The following MAGI1 variants were observed in gnomAD, a reference collection of about 807,000 sequenced individuals.
MAGI1 encodes membrane-associated guanylate kinase, WW and PDZ domain-containing protein 1.
Under a neutral mutation model 139.9 loss-of-function variants are expected in MAGI1, and 58 were observed. That is an observed-to-expected ratio of 0.41 (90% CI 0.34 to 0.52). The LOEUF (loss-of-function observed/expected upper bound fraction) is 0.52, where lower values mean the gene tolerates loss of function less well. MAGI1 is among the 20% of genes least tolerant of loss of function. The pLI, the probability that MAGI1 is intolerant of heterozygous loss-of-function variation, is 0.12. For missense variants in MAGI1, 1,874 were observed against 1,901.6 expected (o/e 0.99, Z 0.27); for synonymous variants, 812 against 737.9 (o/e 1.10, Z -1.63).
chr3:65,637,827 T>C (rs1020960323), intron 1 of MAGI1, among the ~76,000 whole-genome samples: 1 of 152,214 alleles, frequency 6.6e-6, no homozygotes, highest in Non-Finnish European at 1.5e-5. Flanking sequence ...TGCTCTGGTT[T>C]ATTGCATTCA....
chr3:65,527,775 A>G (rs2078455251), intron 2 of MAGI1, among the ~76,000 whole-genome samples: 1 of 151,666 alleles, frequency 6.6e-6, no homozygotes, highest in African/African-American at 2.4e-5. Flanking sequence ...ATTAGCCAGG[A>G]GTGGTGGTGC....
intron 1 of MAGI1, among the ~76,000 whole-genome samples, chr3:65,897,262 A>G (rs535058284): frequency 1.3e-5 from 2 of 152,300 alleles, no homozygotes; most frequent in Admixed American, 1.3e-4. Flanking sequence ...TTTGCATTAG[A>G]AAATTAATGG....
intron 2 of MAGI1, among the ~76,000 whole-genome samples, chr3:65,547,162 C>T (rs1382663971): frequency 6.6e-6 from 1 of 152,148 alleles, no homozygotes; most frequent in Admixed American, 6.5e-5. Context: ...AAAATGTGTG[C>T]CAGGCTCTGT....
At chr3:65,854,136 G>A (rs1177978729) in intron 1 of MAGI1, among the ~76,000 whole-genome samples, 1 of 149,880 alleles carries the variant, frequency 6.7e-6, no homozygotes, top group Non-Finnish European at 1.5e-5. Flanking sequence ...GACAAAAACA[G>A]GTTAGCTGTG....
At chr3:65,739,643 C>T (rs1226837319) in intron 1 of MAGI1, among the ~76,000 whole-genome samples, 7 of 152,104 alleles carry the variant, frequency 4.6e-5, no homozygotes, top group Admixed American at 6.5e-5. Flanking sequence ...CTTAAAGAGT[C>T]CATTGCAGGG....
At chr3:65,360,949 TTCTC>T (rs1940794734) in intron 22 of MAGI1, 3 of 1,415,702 alleles carry the variant, frequency 2.1e-6, no homozygotes, top group Non-Finnish European at 2.8e-6. Flanking sequence ...AGACAAAACG[TTCTC>T]TCTGATTATC....
intron 12 of MAGI1, among the ~76,000 whole-genome samples, chr3:65,402,902 GCA>G (rs1945027830): frequency 6.6e-6 from 1 of 152,126 alleles, no homozygotes; most frequent in Non-Finnish European, 1.5e-5. Flanking sequence ...AGGGCATAAG[GCA>G]CACTCAGTAG....
intron 1 of MAGI1, among the ~76,000 whole-genome samples, chr3:66,016,531 T>A (rs925833823): frequency 6.6e-6 from 1 of 152,296 alleles, no homozygotes; most frequent in African/African-American, 2.4e-5. Context: ...GAGGACACGT[T>A]GCTGGCAAGG....
At chr3:66,037,426 AT>A (rs1169067834) in intron 1 of MAGI1, among the ~76,000 whole-genome samples, 1 of 152,040 alleles carries the variant, frequency 6.6e-6, no homozygotes, top group Non-Finnish European at 1.5e-5. Flanking sequence ...GTGGAGACAC[AT>A]GCGTCATCCG....
At chr3:65,449,549 T>C (rs1049184324) in intron 6 of MAGI1, among the ~76,000 whole-genome samples, 1 of 151,948 alleles carries the variant, frequency 6.6e-6, no homozygotes, top group African/African-American at 2.4e-5. Context: ...CCAAAGTGGG[T>C]GGATCACCTG....
intron 4 of MAGI1, among the ~76,000 whole-genome samples, chr3:65,474,904 G>A (rs537319652): frequency 7.8e-4 from 119 of 152,182 alleles, no homozygotes; most frequent in Non-Finnish European, 1.5e-4. Context: ...CCAGTTTTGC[G>A]ATACTGGACA....
chr3:66,008,205 T>C (rs562947585), intron 1 of MAGI1, among the ~76,000 whole-genome samples: 13 of 152,286 alleles, frequency 8.5e-5, no homozygotes, highest in African/African-American at 2.9e-4. Context: ...CCTGGCTCCA[T>C]AGATTCTTAC....
In MAGI1 at chr3:65,755,905, A is replaced by G. The variant is rs76337321; in HGVS notation, c.314-133817T>C. Among the ~76,000 whole-genome samples, 3 of 152,340 alleles carry G rather than the reference A, an allele frequency of 2.0e-5. No homozygotes were observed. In the East Asian group the frequency reaches 5.8e-4, roughly 29 times the overall value. On this transcript the variant is annotated intron_variant, in intron 1 of 22. Coordinates refer to ENST00000402939, the MANE Select transcript of MAGI1 (RefSeq NM_001033057.2). ...CTGCAATATAAACACTGAATAATCT[A>G]AACCTAGATAAATCAAAATCTGTCA...
At chr3:65,959,011 C>T (rs115571851) in intron 1 of MAGI1, among the ~76,000 whole-genome samples, 2 of 151,490 alleles carry the variant, frequency 1.3e-5, no homozygotes, top group Admixed American at 6.6e-5. Flanking sequence ...ACAAAAAAAA[C>T]CACATTTTGC....
chr3:65,482,171 T>G (rs943090352), intron 3 of MAGI1, among the ~76,000 whole-genome samples: 1 of 152,212 alleles, frequency 6.6e-6, no homozygotes, highest in African/African-American at 2.4e-5. Context: ...CACTACTAAC[T>G]AACTGGCTGT....
At chr3:65,538,299 A>G (rs2079051765) in intron 2 of MAGI1, among the ~76,000 whole-genome samples, 1 of 152,216 alleles carries the variant, frequency 6.6e-6, no homozygotes, top group South Asian at 2.1e-4. Context: ...TTCTCCATAT[A>G]AACAACAAAA....
intron 2 of MAGI1, among the ~76,000 whole-genome samples, chr3:65,531,401 T>G (rs9847579): frequency 1.3e-5 from 2 of 152,058 alleles, no homozygotes; most frequent in Non-Finnish European, 2.9e-5. Flanking sequence ...GGGTGAAGGG[T>G]ACACAGGAAC....
chr3:65,838,917 T>C (rs192890901), intron 1 of MAGI1, among the ~76,000 whole-genome samples: 50 of 152,252 alleles, frequency 3.3e-4, no homozygotes, highest in African/African-American at 1.0e-3. Flanking sequence ...ATTTCAGCTG[T>C]TCTCTGTGTA....
chr3:65,716,588 A>C lies in MAGI1; in HGVS notation c.314-94500T>G, dbSNP rs142980563. 4.0e-3 allele frequency among the ~76,000 whole-genome samples: 611 copies of C among 152,228 alleles called. 9 individuals carry two copies. Among genetic ancestry groups the C allele is most frequent in the African/African-American group, 0.014 (568 of 41,546 alleles). On this transcript the variant is annotated intron_variant, in intron 1 of 22. Transcript: ENST00000402939. ...CTGAAATTCCCAGCTCTTTAAAATCACTTAATTGCTTATCTTTGCAGGGAA... is the reference window on the plus strand; with the variant it reads ...CTGAAATTCCCAGCTCTTTAAAATCCCTTAATTGCTTATCTTTGCAGGGAA...
Sources: gnomAD v4.1 joint callset for allele counts (sites outside exome capture counted in the v4.1 genomes callset) on GRCh38, gnomAD v4.1.1 for gene constraint, MANE v1.5 for transcripts, NCBI Gene and HGNC (gene_info 2026-07-23, HGNC 2026-07-21) for gene names.